Variants in CTNND2 observed in about 807,000 individuals in gnomAD.
CTNND2 encodes the protein catenin delta 2.
A neutral mutation model predicts 144.4 loss-of-function variants in CTNND2; 22 were observed. That is an observed-to-expected ratio of 0.15 (90% CI 0.11 to 0.22). CTNND2 has a LOEUF of 0.22. Ranked by LOEUF, CTNND2 falls within the 10% of genes least tolerant of loss-of-function variation. CTNND2 has a pLI of 1.00. For missense variants in CTNND2, 1,353 were observed against 1,618.8 expected (o/e 0.84, Z 2.82); for synonymous variants, 751 against 695.6 (o/e 1.08, Z -1.25).
intron 3 of CTNND2, among the ~76,000 whole-genome samples, chr5:11,465,936 G>GAC (rs1289525329): frequency 1.3e-5 from 2 of 152,188 alleles, no homozygotes; most frequent in African/African-American, 4.8e-5. Context: ...CCTAATGGCA[G>GAC]ACTTTATGGA....
At chr5:11,717,997 T>C (rs1011043072) in intron 2 of CTNND2, among the ~76,000 whole-genome samples, 2 of 152,222 alleles carry the variant, frequency 1.3e-5, no homozygotes, top group Non-Finnish European at 2.9e-5. Context: ...TTCCATAAAA[T>C]AGTCCAATGG....
intron 2 of CTNND2, among the ~76,000 whole-genome samples, chr5:11,635,736 T>C (rs910642151): frequency 6.6e-6 from 1 of 152,134 alleles, no homozygotes; most frequent in African/African-American, 2.4e-5. Context: ...TCTTATAACA[T>C]AGATGGGCTA....
intron 3 of CTNND2, among the ~76,000 whole-genome samples, chr5:11,498,399 T>C (rs1770197478): frequency 6.6e-6 from 1 of 152,156 alleles, no homozygotes; most frequent in Admixed American, 6.5e-5. Context: ...TACTAAAAGA[T>C]GGCTTGTTAG....
intron 21 of CTNND2, among the ~76,000 whole-genome samples, chr5:10,979,511 G>A (rs569822234): frequency 2.0e-5 from 3 of 152,302 alleles, no homozygotes; most frequent in African/African-American, 7.2e-5. Flanking sequence ...CACATGGAGT[G>A]GGCTGATGCC....
intron 1 of CTNND2, among the ~76,000 whole-genome samples, chr5:11,813,737 C>T (rs1792475444): frequency 6.6e-6 from 1 of 152,154 alleles, no homozygotes; most frequent in South Asian, 2.1e-4. Context: ...TGGGCGCAAA[C>T]TCCTGGCCTC....
chr5:11,753,143 C>T (rs1788719981), intron 1 of CTNND2, among the ~76,000 whole-genome samples: 1 of 151,824 alleles, frequency 6.6e-6, no homozygotes. Flanking sequence ...GCCTGACTTC[C>T]TCTCTTCCTA....
intron 2 of CTNND2, among the ~76,000 whole-genome samples, chr5:11,669,820 T>C (rs186721896): frequency 6.6e-6 from 1 of 152,278 alleles, no homozygotes; most frequent in Admixed American, 6.5e-5. Context: ...CTGGTTTCTC[T>C]AGTTCTTGTA....
intron 9 of CTNND2, among the ~76,000 whole-genome samples, chr5:11,259,571 T>A (rs532569964): frequency 2.0e-4 from 30 of 152,122 alleles, no homozygotes; most frequent in African/African-American, 7.0e-4. Flanking sequence ...TCATGAGAGG[T>A]GAAGATTCAC....
chr5:11,357,802 G>T lies in CTNND2; in HGVS notation c.1372+6894C>A, dbSNP rs528673897. Among the ~76,000 whole-genome samples, 6 of 152,098 alleles carry T rather than the reference G, an allele frequency of 3.9e-5. No homozygotes were observed. The South Asian group carries it at 1.3e-3, about 32-fold the overall frequency. ...ATCAAAACATCCAATTGTATCCCAT[G>T]AACATGTACATGTGTCATTACAATG... On this transcript the variant is annotated intron_variant, in intron 8 of 21. Coordinates refer to ENST00000304623, the MANE Select transcript of CTNND2 (RefSeq NM_001332.4).
intron 2 of CTNND2, among the ~76,000 whole-genome samples, chr5:11,693,450 T>C (rs1265681057): frequency 2.0e-5 from 3 of 152,202 alleles, no homozygotes; most frequent in Non-Finnish European, 2.9e-5. Context: ...TGAATCACAG[T>C]TTTTTGTTTT....
At chr5:11,785,345 A>C (rs1333389300) in intron 1 of CTNND2, among the ~76,000 whole-genome samples, 2 of 152,230 alleles carry the variant, frequency 1.3e-5, no homozygotes, top group Non-Finnish European at 2.9e-5. Flanking sequence ...AAATATCATG[A>C]ATAATGATGG....
intron 10 of CTNND2, among the ~76,000 whole-genome samples, chr5:11,209,875 T>C (rs1425673023): frequency 6.6e-6 from 1 of 152,062 alleles, no homozygotes; most frequent in Non-Finnish European, 1.5e-5. Context: ...TGAGCCGAGA[T>C]CGCACCACTG....
At chr5:11,503,222 C>T (rs1332684715) in intron 3 of CTNND2, among the ~76,000 whole-genome samples, 1 of 152,192 alleles carries the variant, frequency 6.6e-6, no homozygotes, top group Admixed American at 6.5e-5. Flanking sequence ...GGAGACACAG[C>T]TTATTAAAGC....
intron 1 of CTNND2, among the ~76,000 whole-genome samples, chr5:11,734,827 T>A (rs1051725301): frequency 6.6e-6 from 1 of 152,280 alleles, no homozygotes; most frequent in East Asian, 1.9e-4. Context: ...AAAATATATG[T>A]TAAGGAAAGC....
intron 20 of CTNND2, among the ~76,000 whole-genome samples, chr5:10,985,003 G>A (rs1737758096): frequency 6.6e-6 from 1 of 152,170 alleles, no homozygotes; most frequent in South Asian, 2.1e-4. Context: ...GAACCCGGGA[G>A]GTGGAGGTTA....
chr5:11,561,655 T>C (rs1776692627), intron 3 of CTNND2, among the ~76,000 whole-genome samples: 1 of 152,222 alleles, frequency 6.6e-6, no homozygotes, highest in Non-Finnish European at 1.5e-5. Context: ...CATCCTCCTG[T>C]ACTATTGGAT....
chr5:11,461,970 A>T (rs778920688), intron 3 of CTNND2, among the ~76,000 whole-genome samples: 10 of 152,058 alleles, frequency 6.6e-5, no homozygotes, highest in Non-Finnish European at 1.5e-4. Context: ...ATTGAGTCTT[A>T]GGGTCTGTTC....
At chr5:11,776,394 T>A (rs1056059924) in intron 1 of CTNND2, among the ~76,000 whole-genome samples, 2 of 152,224 alleles carry the variant, frequency 1.3e-5, no homozygotes, top group Admixed American at 6.5e-5. Context: ...TTTCTGTTAA[T>A]TGCATTTCTA....
chr5:11,316,548 T>A (rs575639580), intron 9 of CTNND2, among the ~76,000 whole-genome samples: 17 of 151,280 alleles, frequency 1.1e-4, no homozygotes, highest in Non-Finnish European at 2.2e-4. Flanking sequence ...TGTGCAGGTT[T>A]GTTACATATG....
Sources: gnomAD v4.1 joint callset for allele counts (sites outside exome capture counted in the v4.1 genomes callset) on GRCh38, gnomAD v4.1.1 for gene constraint, MANE v1.5 for transcripts, NCBI Gene and HGNC (gene_info 2026-07-23, HGNC 2026-07-21) for gene names.